The following TMEFF2 variants were observed in gnomAD, a reference collection of about 807,000 sequenced individuals.
TMEFF2 encodes the protein transmembrane protein with EGF like and two follistatin like domains 2.
In TMEFF2, 28 loss-of-function variants were observed where a neutral mutation model predicts 53.8. The ratio of observed to expected loss-of-function variants is 0.52; its 90% confidence interval spans 0.39 to 0.71. The LOEUF (loss-of-function observed/expected upper bound fraction) is 0.71, where lower values mean the gene tolerates loss of function less well. TMEFF2 is among the 30% of genes least tolerant of loss of function. TMEFF2 has a pLI of 0.00. For missense variants in TMEFF2, 353 were observed against 455.2 expected (o/e 0.78, Z 2.04); for synonymous variants, 162 against 166.3 (o/e 0.97, Z 0.20).
rs1251165396 is a variant in TMEFF2, at chr2:192,132,125, C to T, written c.439+47543G>A. On this transcript the variant is annotated intron_variant, in intron 4 of 9. Coordinates refer to ENST00000272771, the MANE Select transcript of TMEFF2 (RefSeq NM_016192.4). ...CCCCTCCTCGCCAGGCCAAGCTAGGCCCCAATTCTTCCTCAGCCTCCGCTC... is the reference window on the plus strand; with the variant it reads ...CCCCTCCTCGCCAGGCCAAGCTAGGTCCCAATTCTTCCTCAGCCTCCGCTC... Among the ~76,000 whole-genome samples, 253 of 151,640 alleles carry T rather than the reference C, an allele frequency of 1.7e-3. 1 individual carries two copies. The highest frequency in any genetic ancestry group is 4.3e-3 in the East Asian group (22 of 5,158).
intron 4 of TMEFF2, among the ~76,000 whole-genome samples, chr2:192,127,410 A>C (rs1370359987): frequency 6.6e-6 from 1 of 152,176 alleles, no homozygotes; most frequent in African/African-American, 2.4e-5. Flanking sequence ...TCTGTCTTTA[A>C]GTGTTACCCT....
intron 4 of TMEFF2, among the ~76,000 whole-genome samples, chr2:192,140,412 G>A (rs1574409431): frequency 6.6e-6 from 1 of 152,168 alleles, no homozygotes; most frequent in East Asian, 1.9e-4. Context: ...GTTGTAGGCT[G>A]AATTATAGGA....
chr2:192,000,148 G>A (rs1686321380), intron 5 of TMEFF2, among the ~76,000 whole-genome samples: 1 of 151,918 alleles, frequency 6.6e-6, no homozygotes, highest in South Asian at 2.1e-4. Context: ...TCTGGTGTAT[G>A]TGTACAACCA....
chr2:192,119,005 C>T (rs528074960), intron 4 of TMEFF2, among the ~76,000 whole-genome samples: 7 of 152,156 alleles, frequency 4.6e-5, no homozygotes, highest in African/African-American at 1.2e-4. Flanking sequence ...TATAAATATA[C>T]CTTTAATAAA....
intron 4 of TMEFF2, among the ~76,000 whole-genome samples, chr2:192,077,173 A>C (rs1219014471): frequency 1.3e-5 from 2 of 152,162 alleles, no homozygotes; most frequent in Non-Finnish European, 2.9e-5. Context: ...TGAGAGTTTT[A>C]GCAAATGCAC....
chr2:192,075,881 T>G (rs1396596713), intron 4 of TMEFF2, among the ~76,000 whole-genome samples: 1 of 151,976 alleles, frequency 6.6e-6, no homozygotes. Context: ...CTGTGGACTT[T>G]GTATTCTGTA....
At chr2:192,006,316 T>C (rs1205854263) in intron 5 of TMEFF2, among the ~76,000 whole-genome samples, 1 of 152,066 alleles carries the variant, frequency 6.6e-6, no homozygotes, top group Non-Finnish European at 1.5e-5. Context: ...AGAAATAGAC[T>C]AGGACAACAA....
intron 7 of TMEFF2, among the ~76,000 whole-genome samples, chr2:191,985,235 G>A (rs1317258098): frequency 6.6e-6 from 1 of 152,060 alleles, no homozygotes; most frequent in Non-Finnish European, 1.5e-5. Context: ...ATATTTTACA[G>A]ATTCTCAGAG....
chr2:192,131,137 C>G (rs1350292845), intron 4 of TMEFF2, among the ~76,000 whole-genome samples: 45 of 142,560 alleles, frequency 3.2e-4, no homozygotes, highest in African/African-American at 1.2e-3. Context: ...CCAACCCCTT[C>G]TCTCCTTGTC....
intron 2 of TMEFF2, among the ~76,000 whole-genome samples, chr2:192,188,977 A>G (rs769530835): frequency 6.6e-6 from 1 of 152,062 alleles, no homozygotes; most frequent in African/African-American, 2.4e-5. Context: ...CCCGTGACAC[A>G]TGTTTACATA....
rs183556542 is a variant in TMEFF2 at position 192,190,608 on chromosome 2, C to G, written c.282+1272G>C. On this transcript the variant is annotated intron_variant, in intron 2 of 9. Transcript: ENST00000272771. ...TGACACTATGGTATGGTCTAAAAAA[C>G]TGTACAGTCAGAGCACTACTTACCC... 2.6e-3 allele frequency among the ~76,000 whole-genome samples: 396 copies of G among 152,238 alleles called. 6 individuals carry two copies. Among genetic ancestry groups the G allele is most frequent in the African/African-American group, 9.0e-3 (373 of 41,550 alleles).
chr2:191,964,447 C>A (rs181573346), intron 7 of TMEFF2, among the ~76,000 whole-genome samples: 2 of 131,708 alleles, frequency 1.5e-5, no homozygotes, highest in East Asian at 2.2e-4. Context: ...TGCCTTTTAA[C>A]CCATGTACCT....
At chr2:191,964,329 T>TTTCC (rs1299622284) in intron 7 of TMEFF2, among the ~76,000 whole-genome samples, 1 of 114,938 alleles carries the variant, frequency 8.7e-6, no homozygotes, top group Non-Finnish European at 1.7e-5. Flanking sequence ...CCTTCCTTTC[T>TTTCC]TTCCTTCTTT....
At chr2:191,998,220 T>C (rs1051011475) in intron 7 of TMEFF2, 42 bp downstream of exon 7, 7 of 1,478,916 alleles carry the variant, frequency 4.7e-6, no homozygotes, top group Admixed American at 3.8e-5. Context: ...GACTCTCTTT[T>C]AATAGAAGAG....
intron 7 of TMEFF2, among the ~76,000 whole-genome samples, chr2:191,956,592 T>G (rs1692105193): frequency 6.6e-6 from 1 of 152,252 alleles, no homozygotes; most frequent in South Asian, 2.1e-4. Context: ...GTGCTTTTTA[T>G]GCTTTCATGC....
At chr2:192,114,610 T>C (rs1015963925) in intron 4 of TMEFF2, among the ~76,000 whole-genome samples, 6 of 151,748 alleles carry the variant, frequency 4.0e-5, no homozygotes, top group Admixed American at 2.0e-4. Context: ...GGATATCAAA[T>C]CAACATACAA....
chr2:192,157,877 T>C (rs979823521), intron 4 of TMEFF2, among the ~76,000 whole-genome samples: 3 of 152,070 alleles, frequency 2.0e-5, no homozygotes, highest in Non-Finnish European at 4.4e-5. Flanking sequence ...TGCCAAACCA[T>C]CTGTTGTTCC....
chr2:192,060,219 A>C (rs1386557203), intron 4 of TMEFF2, among the ~76,000 whole-genome samples: 1 of 152,148 alleles, frequency 6.6e-6, no homozygotes. Flanking sequence ...GGCATCGTCT[A>C]GCACAGGGCT....
At chr2:191,963,377 T>G (rs1431054619) in intron 7 of TMEFF2, among the ~76,000 whole-genome samples, 1 of 152,200 alleles carries the variant, frequency 6.6e-6, no homozygotes, top group Non-Finnish European at 1.5e-5. Context: ...TTGGTGACAA[T>G]GCTGAAAATG....
Sources: allele counts gnomAD v4.1 joint callset (sites outside exome capture counted in the v4.1 genomes callset), GRCh38; gene constraint gnomAD v4.1.1; transcripts MANE v1.5; gene names NCBI Gene and HGNC (gene_info 2026-07-23, HGNC 2026-07-21).